ANKRD22: variants seen among roughly 807,000 people sequenced by gnomAD.
ANKRD22 encodes ankyrin repeat domain 22, also known as ankyrin repeat domain-containing protein 22.
Under a neutral mutation model 25.7 loss-of-function variants are expected in ANKRD22, and 24 were observed. That is an observed-to-expected ratio of 0.93 (90% CI 0.68 to 1.31). ANKRD22 has a LOEUF of 1.31. Among genes scored for constraint, ANKRD22 ranks in the 50% most tolerant of loss-of-function variants. The pLI, the probability that ANKRD22 is intolerant of heterozygous loss-of-function variation, is 0.00. For synonymous variants in ANKRD22, 84 were observed against 84.3 expected (o/e 1.00, Z 0.02); for missense variants, 214 against 227.1 (o/e 0.94, Z 0.37).
In ANKRD22 at chr10:88,826,397, G is replaced by A. The variant is rs149886708; in HGVS notation, c.322-282C>T. ...CCTACCTAATTCCACTGAGGATGGGGCCTAGTACCTGTCTTTCCCTTCCTG... is the reference window on the plus strand; with the variant it reads ...CCTACCTAATTCCACTGAGGATGGGACCTAGTACCTGTCTTTCCCTTCCTG... On this transcript the variant is annotated intron_variant, in intron 3 of 5. Coordinates refer to ENST00000371930, the MANE Select transcript of ANKRD22 (RefSeq NM_144590.3). Among the ~76,000 whole-genome samples the A allele has an allele frequency of 3.3e-5, 5 of 152,272 alleles. No individual in the cohort carries two copies. In the East Asian group the frequency reaches 9.6e-4, roughly 29 times the overall value.
intron 1 of ANKRD22, among the ~76,000 whole-genome samples, chr10:88,848,582 C>T (rs1429516762): frequency 6.6e-6 from 1 of 152,118 alleles, no homozygotes; most frequent in East Asian, 1.9e-4. Context: ...TCCCCATTGT[C>T]TCTGCCTAGC....
chr10:88,834,936 G>T (rs12249532), intron 1 of ANKRD22, among the ~76,000 whole-genome samples: 7 of 147,804 alleles, frequency 4.7e-5, no homozygotes, highest in Non-Finnish European at 7.4e-5. Flanking sequence ...CTCAAAAAAA[G>T]AAAAAAAAAG....
intron 4 of ANKRD22, among the ~76,000 whole-genome samples, chr10:88,825,246 A>G (rs1476356047): frequency 6.6e-6 from 1 of 152,232 alleles, no homozygotes; most frequent in African/African-American, 2.4e-5. Context: ...TTTTTCAATA[A>G]GGAACTGGGA....
At chr10:88,844,349 G>C (rs988296984) in intron 1 of ANKRD22, among the ~76,000 whole-genome samples, 2 of 152,064 alleles carry the variant, frequency 1.3e-5, no homozygotes, top group Non-Finnish European at 2.9e-5. Flanking sequence ...TATGTTTGAT[G>C]GGAAATGTTA....
chr10:88,831,715 AT>A, intron 2 of ANKRD22, 119 bp downstream of exon 2: 1 of 1,005,570 alleles, frequency 9.9e-7, no homozygotes, highest in East Asian at 2.7e-5. Flanking sequence ...GTAGGCTAAG[AT>A]AATTGTTCGT....
intron 1 of ANKRD22, among the ~76,000 whole-genome samples, chr10:88,836,953 C>T (rs1165804592): frequency 6.6e-6 from 1 of 152,214 alleles, no homozygotes; most frequent in Admixed American, 6.5e-5. Context: ...AGGAAGAATA[C>T]AGAGGCCTGA....
intron 1 of ANKRD22, among the ~76,000 whole-genome samples, chr10:88,850,367 T>G (rs2076388462): frequency 6.6e-6 from 1 of 151,830 alleles, no homozygotes; most frequent in African/African-American, 2.4e-5. Flanking sequence ...GTCTACAAAC[T>G]AAGAATCTGC....
At chr10:88,832,386 C>T (rs920138573) in intron 1 of ANKRD22, among the ~76,000 whole-genome samples, 16 of 151,604 alleles carry the variant, frequency 1.1e-4, no homozygotes, top group African/African-American at 3.6e-4. Context: ...AGATAAAATA[C>T]CTTTATCTTT....
intron 1 of ANKRD22, among the ~76,000 whole-genome samples, chr10:88,844,713 A>C (rs1589328819): frequency 6.6e-6 from 1 of 152,058 alleles, no homozygotes; most frequent in South Asian, 2.1e-4. Context: ...TTCCTTTAAA[A>C]TTACAAGTGG....
intron 1 of ANKRD22, among the ~76,000 whole-genome samples, chr10:88,835,562 A>G (rs963422703): frequency 1.3e-5 from 2 of 152,226 alleles, no homozygotes; most frequent in Non-Finnish European, 2.9e-5. Flanking sequence ...CAGTTGTAAC[A>G]CAATTGTAAG....
rs547778283 is a variant in ANKRD22 at position 88,850,208 on chromosome 10, T to C, written c.21+1379A>G. On this transcript the variant is annotated intron_variant, in intron 1 of 5. Transcript: ENST00000371930. ...TAAAGAGTCTCAAACTCTTTAAAAC[T>C]ATAGATGAAAGGTCCTACTTCCAAC... is the stretch of plus-strand genomic sequence containing the variant. Among the ~76,000 whole-genome samples, 17 of 152,142 alleles carry C rather than the reference T, an allele frequency of 1.1e-4. No individual in the cohort carries two copies. In the South Asian group the frequency reaches 3.1e-3, roughly 28 times the overall value.
rs1374921788 is a variant in ANKRD22 at position 88,822,811 on chromosome 10, CATGGTAAGCATCATTATCCCCATAAA to C, written c.*104_*129del. The C allele has an allele frequency of 5.4e-5, 42 of 784,284 alleles. No homozygotes were observed. The highest frequency in any genetic ancestry group is 8.9e-5 in the Non-Finnish European group (42 of 469,986). 48.6% of individuals were successfully genotyped at this position (784,284 alleles called of 1,614,324 possible). On this transcript the variant is annotated 3_prime_UTR_variant, in exon 6 of 6. Coordinates refer to ENST00000371930, the MANE Select transcript of ANKRD22 (RefSeq NM_144590.3). ...TAAAAAGCTCTTCCAAAACATTAAC[CATGGTAAGCATCATTATCCCCATAAA>C]ATGGTGGCATCCAGGTTAAATGGCC...
chr10:88,848,367 T>G (rs1461988064), intron 1 of ANKRD22, among the ~76,000 whole-genome samples: 3 of 152,066 alleles, frequency 2.0e-5, no homozygotes, highest in Non-Finnish European at 4.4e-5. Flanking sequence ...GTTATCATTT[T>G]CTCTCTGAAC....
In ANKRD22 at chr10:88,842,000, T is replaced by G. The variant is rs187418448; in HGVS notation, c.21+9587A>C. 2.8e-4 allele frequency among the ~76,000 whole-genome samples: 42 copies of G among 152,204 alleles called. No homozygotes were observed. The East Asian group carries it at 7.5e-3, about 27-fold the overall frequency. The stretch of plus-strand genomic sequence containing the variant: ...ATTTTACCTTTTGACATCCCAAGAC[T>G]TTTCTACACTGTCTTATTCTTAACG... On this transcript the variant is annotated intron_variant, in intron 1 of 5. Coordinates refer to ENST00000371930, the MANE Select transcript of ANKRD22 (RefSeq NM_144590.3).
chr10:88,822,766 T>G lies in ANKRD22; in HGVS notation c.*175A>C, dbSNP rs1334462005. Reference sequence around the variant, plus strand: ...GGATTACGGCCATGGTGAACTTGACTGAGTAAACAATGCTATAAATAAAAA... The same window carrying G: ...GGATTACGGCCATGGTGAACTTGACGGAGTAAACAATGCTATAAATAAAAA... On this transcript the variant is annotated 3_prime_UTR_variant, in exon 6 of 6. Transcript: ENST00000371930. 4.8e-6 allele frequency: 3 copies of G among 619,136 alleles called. No homozygotes were observed. The highest frequency in any genetic ancestry group is 2.9e-5 in the Admixed American group (1 of 34,120). 38.4% of individuals were successfully genotyped at this position (619,136 alleles called of 1,614,324 possible). A position where few individuals can be genotyped will look rare whatever the true frequency, so the allele number is the denominator to read the frequency against.
intron 1 of ANKRD22, among the ~76,000 whole-genome samples, chr10:88,849,932 G>A (rs1346596983): frequency 1.3e-5 from 2 of 151,478 alleles, no homozygotes; most frequent in African/African-American, 4.8e-5. Context: ...TATTAGCACT[G>A]CAAAGCTCTA....
At chr10:88,830,241 G>T (rs1282281831) in intron 2 of ANKRD22, among the ~76,000 whole-genome samples, 1 of 152,014 alleles carries the variant, frequency 6.6e-6, no homozygotes, top group Non-Finnish European at 1.5e-5. Context: ...TTCATATTGC[G>T]CTATCAAATT....
Position 88,851,748 on chromosome 10 carries a change from C to T in ANKRD22, c.-141G>A. On this transcript the variant is annotated 5_prime_UTR_variant, in exon 1 of 6. Coordinates refer to ENST00000371930, the MANE Select transcript of ANKRD22 (RefSeq NM_144590.3). ...GGTGGCAAGCTCCAGGAGTGCTTTT[C>T]TAGCAAACACCTGTCAGTGCTTTTC... 1 of 850,944 alleles carries T rather than the reference C, an allele frequency of 1.2e-6. No homozygotes were observed. The highest frequency in any genetic ancestry group is 2.0e-6 in the Non-Finnish European group (1 of 512,520). The allele number at this position is 850,944 out of a possible 1,614,324, so 52.7% of individuals were successfully genotyped here.
intron 1 of ANKRD22, among the ~76,000 whole-genome samples, chr10:88,850,197 C>T (rs995999428): frequency 3.3e-5 from 5 of 151,874 alleles, no homozygotes; most frequent in African/African-American, 7.3e-5. Flanking sequence ...GAGTCTCAAA[C>T]TCTTTAAAAC....
Sources: gnomAD v4.1 joint callset for allele counts (sites outside exome capture counted in the v4.1 genomes callset) on GRCh38, gnomAD v4.1.1 for gene constraint, MANE v1.5 for transcripts, NCBI Gene and HGNC (gene_info 2026-07-23, HGNC 2026-07-21) for gene names.